The following TRIM11 variants were observed in gnomAD, a reference collection of about 807,000 sequenced individuals.
The protein encoded by TRIM11 is tripartite motif containing 11.
TRIM11 carries 15 observed loss-of-function variants against 33.4 expected under a neutral mutation model. The observed-to-expected ratio is 0.45, with a 90% CI of 0.30 to 0.69. The LOEUF (loss-of-function observed/expected upper bound fraction) is 0.69, where lower values mean the gene tolerates loss of function less well. TRIM11 is among the 30% of genes least tolerant of loss of function. The pLI is 0.08. For missense variants in TRIM11, 499 were observed against 667.6 expected, an observed-to-expected ratio of 0.75 and a Z score of 2.78; for synonymous variants, 281 against 302.6, an observed-to-expected ratio of 0.93 and a Z score of 0.74.
chr1:228,406,563 G>A lies in TRIM11; in HGVS notation c.-2C>T. ...GGTGGACAGGTCGGGGGCGGCCATG[G>A]CGCGGACAGAGGGGAGGAAGGCGGT... On this transcript the variant is annotated 5_prime_UTR_variant, in exon 1 of 6. Transcript: ENST00000284551. This position sits in a 1 kb window ranked among gnomAD's most constrained non-coding sequence, Gnocchi z 8.2. The A allele has an allele frequency of 6.6e-7, 1 of 1,517,562 alleles. No individual in the cohort carries two copies. Among genetic ancestry groups the A allele is most frequent in the South Asian group, 1.2e-5 (1 of 81,124 alleles). The allele number at this position is 1,517,562 out of a possible 1,614,324, so 94.0% of individuals were successfully genotyped here.
intron 1 of TRIM11, chr1:228,404,973 G>A (rs1007138711): frequency 6.6e-6 from 1 of 152,144 alleles, no homozygotes; most frequent in Non-Finnish European, 1.5e-5. Context: ...AACCTAACAG[G>A]GTAGAGGGAA....
rs753375102 is a variant in TRIM11, at chr1:228,400,957, A to G, written c.735+7T>C. 13 of 1,555,900 alleles carry G rather than the reference A, an allele frequency of 8.4e-6. No individual in the cohort carries two copies. Among genetic ancestry groups the G allele is most frequent in the Non-Finnish European group, 1.1e-5 (13 of 1,151,314 alleles). On this transcript the variant is annotated splice_region_variant and intron_variant, in intron 3 of 5. Transcript: ENST00000284551. The surrounding 1 kb of genome is among the most constrained non-coding windows in gnomAD (Gnocchi z 4.5). Reference sequence around the variant, plus strand: ...TGGCCACCATGGCTGCTCCCCGCCCAGCTCACCTGCAGCAGCCCCAGAGCA... The same window carrying G: ...TGGCCACCATGGCTGCTCCCCGCCCGGCTCACCTGCAGCAGCCCCAGAGCA...
At position 228,406,609 on chromosome 1, in the gene TRIM11, G is replaced by T. The variant is rs1435263528; in HGVS notation, c.-48C>A. 2 of 1,391,058 alleles carry T rather than the reference G, an allele frequency of 1.4e-6. No homozygotes were observed. The highest frequency in any genetic ancestry group is 1.9e-6 in the Non-Finnish European group (2 of 1,073,872). 86.2% of individuals were successfully genotyped at this position (1,391,058 alleles called of 1,614,324 possible). A position where few individuals can be genotyped will look rare whatever the true frequency, so the allele number is the denominator to read the frequency against. On this transcript the variant is annotated 5_prime_UTR_variant, in exon 1 of 6. Transcript: ENST00000284551. The surrounding 1 kb of genome is among the most constrained non-coding windows in gnomAD (Gnocchi z 8.2). ...GCGGTACTGTCCGCGGGGCGGCGGC[G>T]GGCGGCCTCGGCAGCTCGCGGGGAC...
Position 228,406,390 on chromosome 1 carries a change from C to A in TRIM11, c.172G>T (p.Glu58Ter). ...EGPYACPECR[E>*]LSPQRNLRPN... ...CGCAGGTTCCTCTGCGGGGACAGCTCGCGGCACTCGGGGCACGCGTACGGG... is the reference window on the plus strand; with the variant it reads ...CGCAGGTTCCTCTGCGGGGACAGCTAGCGGCACTCGGGGCACGCGTACGGG... The change falls in exon 1 of 6, where the codon GAG becomes TAG. Residue 58 changes from glutamate to a stop codon, truncating the protein, a stop_gained. Transcript: ENST00000284551. LOFTEE classifies it high-confidence loss of function. The surrounding 1 kb of genome is among the most constrained non-coding windows in gnomAD (Gnocchi z 8.2). 1 of 1,548,280 alleles carries A rather than the reference C, an allele frequency of 6.5e-7. No homozygotes were observed. Among genetic ancestry groups the A allele is most frequent in the Non-Finnish European group, 8.7e-7 (1 of 1,152,688 alleles).
Position 228,400,110 on chromosome 1 carries a change from G to A in TRIM11, c.735+854C>T, listed in dbSNP as rs1433110434. The stretch of plus-strand genomic sequence containing the variant: ...CCAGTGGCTGAATTCACTCACACAC[G>A]GCCTCTCTCCTCTGTGGGAGCCAGA... On this transcript the variant is annotated intron_variant, in intron 3 of 5. Coordinates refer to ENST00000284551, the MANE Select transcript of TRIM11 (RefSeq NM_145214.3). This position sits in a 1 kb window ranked among gnomAD's most constrained non-coding sequence, Gnocchi z 4.5. Among the ~76,000 whole-genome samples, 1 of 152,122 alleles carries A rather than the reference G, an allele frequency of 6.6e-6. No homozygotes were observed. Among genetic ancestry groups the A allele is most frequent in the Non-Finnish European group, 1.5e-5 (1 of 68,008 alleles).
Position 228,400,505 on chromosome 1 carries a change from G to T in TRIM11, c.735+459C>A, listed in dbSNP as rs1656158037. ...CCTGGAAGCAGAGGAGGAGGAGACTGCCCCCCATAATGGAGATGCATGGGG... is the reference window on the plus strand; with the variant it reads ...CCTGGAAGCAGAGGAGGAGGAGACTTCCCCCCATAATGGAGATGCATGGGG... On this transcript the variant is annotated intron_variant, in intron 3 of 5. Coordinates refer to ENST00000284551, the MANE Select transcript of TRIM11 (RefSeq NM_145214.3). This position sits in a 1 kb window ranked among gnomAD's most constrained non-coding sequence, Gnocchi z 4.5. 6.6e-6 allele frequency among the ~76,000 whole-genome samples: 1 copy of T among 152,182 alleles called. No homozygotes were observed. The highest frequency in any genetic ancestry group is 2.4e-5 in the African/African-American group (1 of 41,442).
At chr1:228,397,859 G>A (rs1352147835) in intron 3 of TRIM11, among the ~76,000 whole-genome samples, 1 of 152,184 alleles carries the variant, frequency 6.6e-6, no homozygotes, top group South Asian at 2.1e-4. Context: ...AAGAAGGGGC[G>A]ACTAGGACAC....
chr1:228,396,874 C>A (rs756695564), intron 5 of TRIM11, 73 bp downstream of exon 5: 29 of 1,423,208 alleles, frequency 2.0e-5, no homozygotes, highest in East Asian at 6.8e-5. Flanking sequence ...GCACAGAACA[C>A]GTGGCTGGCT....
intron 3 of TRIM11, 189 bp from the exon 4 acceptor site, chr1:228,397,354 T>C (rs2074995763): frequency 1.5e-6 from 1 of 663,526 alleles, no homozygotes; most frequent in Non-Finnish European, 2.6e-6. Context: ...GGACAGAGGC[T>C]CTGACATGTG....
At chr1:228,404,875 G>A (rs527819251) in intron 1 of TRIM11, 2 of 152,354 alleles carry the variant, frequency 1.3e-5, no homozygotes, top group African/African-American at 2.4e-5. Context: ...TCTTGTGCAT[G>A]TGAAACTTAA....
At position 228,406,132 on chromosome 1, in the gene TRIM11, C is replaced by A. The variant is rs1656406519; in HGVS notation, c.408+22G>T. 1.5e-6 allele frequency: 2 copies of A among 1,356,630 alleles called. No homozygotes were observed. Among genetic ancestry groups the A allele is most frequent in the Non-Finnish European group, 1.9e-6 (2 of 1,060,804 alleles). 84.0% of individuals were successfully genotyped at this position (1,356,630 alleles called of 1,614,324 possible). Reference sequence around the variant, plus strand: ...TCCCCGGCTCCCCGACGCCCCTGCACGCCACCCCCGCCCAGGAGCACCTTG... The same window carrying A: ...TCCCCGGCTCCCCGACGCCCCTGCAAGCCACCCCCGCCCAGGAGCACCTTG... On this transcript the variant is annotated intron_variant, in intron 1 of 5. Coordinates refer to ENST00000284551, the MANE Select transcript of TRIM11 (RefSeq NM_145214.3). This position sits in a 1 kb window ranked among gnomAD's most constrained non-coding sequence, Gnocchi z 8.2.
At position 228,400,997 on chromosome 1, in the gene TRIM11, G is replaced by A. The variant is rs1656196723; in HGVS notation, c.702C>T (p.Gly234=). 1 of 1,595,858 alleles carries A rather than the reference G, an allele frequency of 6.3e-7. No homozygotes were observed. Among genetic ancestry groups the A allele is most frequent in the East Asian group, 2.3e-5 (1 of 44,200 alleles). The change falls in exon 3 of 6, where the codon GGC becomes GGT. Residue 234 remains glycine (G), a synonymous_variant. Coordinates refer to ENST00000284551, the MANE Select transcript of TRIM11 (RefSeq NM_145214.3). This position sits in a 1 kb window ranked among gnomAD's most constrained non-coding sequence, Gnocchi z 4.5. ...HLAELIAELE[G]RCQLPALGLL... The stretch of plus-strand genomic sequence containing the variant: ...GCCCCAGAGCAGGCAGCTGGCAGCG[G>A]CCCTCGAGCTCGGCGATGAGCTCAG...
In TRIM11 at chr1:228,403,042, C is replaced by T. The variant is rs1045542899; in HGVS notation, c.409-881G>A. 6.6e-6 allele frequency: 1 copy of T among 152,212 alleles called. No individual in the cohort carries two copies. The highest frequency in any genetic ancestry group is 1.5e-5 in the Non-Finnish European group (1 of 68,052). 9.4% of individuals were successfully genotyped at this position (152,212 alleles called of 1,614,324 possible). A position where few individuals can be genotyped will look rare whatever the true frequency, so the allele number is the denominator to read the frequency against. On this transcript the variant is annotated intron_variant, in intron 1 of 5. Coordinates refer to ENST00000284551, the MANE Select transcript of TRIM11 (RefSeq NM_145214.3). The surrounding 1 kb of genome is among the most constrained non-coding windows in gnomAD (Gnocchi z 4.8). Reference sequence around the variant, plus strand: ...TGTAATAAGCTCCAGGATGGGTACACCTCCATTCTGCTTTCTTGGTCCTTA... The same window carrying T: ...TGTAATAAGCTCCAGGATGGGTACATCTCCATTCTGCTTTCTTGGTCCTTA...
chr1:228,394,771 G>A lies in TRIM11; in HGVS notation c.1341C>T (p.Ser447=). 6.2e-7 allele frequency: 1 copy of A among 1,613,888 alleles called. No individual in the cohort carries two copies. ...GGCAGATAGTCATCGGGGTCGGGCT[G>A]CTGGACAGGGGTGAGAAGAGGGGCC... is the stretch of plus-strand genomic sequence containing the variant. The part of the protein sequence containing the change: ...TLRPLFSPLS[S]SPTPMTICRP... Residue 447 remains serine (S), a synonymous_variant, in exon 6 of 6, where the codon AGC becomes AGT. Transcript: ENST00000284551. The surrounding 1 kb of genome is among the most constrained non-coding windows in gnomAD (Gnocchi z 6.2).
At chr1:228,397,473 C>A in intron 3 of TRIM11, 1 of 425,026 alleles carries the variant, frequency 2.4e-6, no homozygotes, top group Non-Finnish European at 4.2e-6. Context: ...TCACCCAGAG[C>A]CCCAAGTGGG....
In TRIM11 at chr1:228,394,744, C is replaced by T. The variant is rs149103830; in HGVS notation, c.1368G>A (p.Arg456=). 4.3e-6 allele frequency: 7 copies of T among 1,611,350 alleles called. No individual in the cohort carries two copies. In the African/African-American group the frequency reaches 9.4e-5, roughly 22 times the overall value. Reference sequence around the variant, plus strand: ...GGGTGTCCCCGGACCCACCTTTCGGCCGGCAGATAGTCATCGGGGTCGGGC... The same window carrying T: ...GGGTGTCCCCGGACCCACCTTTCGGTCGGCAGATAGTCATCGGGGTCGGGC... ...SSSPTPMTIC[R]PKGGSGDTLA... is the part of the protein sequence containing the mutation. Residue 456 remains arginine, a synonymous_variant, in exon 6 of 6, where the codon CGG becomes CGA. Transcript: ENST00000284551. The surrounding 1 kb of genome is among the most constrained non-coding windows in gnomAD (Gnocchi z 6.2).
chr1:228,396,582 G>A (rs2074988362), intron 5 of TRIM11: 1 of 660,192 alleles, frequency 1.5e-6, no homozygotes, highest in Non-Finnish European at 2.8e-6. Context: ...GGGAACAGAA[G>A]TATGGGCAGC....
At position 228,406,689 on chromosome 1, in the gene TRIM11, G is replaced by A; in HGVS notation, c.-128C>T. 3.3e-6 allele frequency: 3 copies of A among 907,898 alleles called. No individual in the cohort carries two copies. Among genetic ancestry groups the A allele is most frequent in the Middle Eastern group, 3.8e-4 (1 of 2,664 alleles). The allele number at this position is 907,898 out of a possible 1,614,324, so 56.2% of individuals were successfully genotyped here. A position where few individuals can be genotyped will look rare whatever the true frequency, so the allele number is the denominator to read the frequency against. On this transcript the variant is annotated 5_prime_UTR_variant, in exon 1 of 6. Coordinates refer to ENST00000284551, the MANE Select transcript of TRIM11 (RefSeq NM_145214.3). This position sits in a 1 kb window ranked among gnomAD's most constrained non-coding sequence, Gnocchi z 8.2. ...TCGGGCACTCCGGGGCGCGAGGCTC[G>A]GGACTCCCGGGTGCTCGGGCTCCGG...
rs1447376854 is a variant in TRIM11 at position 228,401,233 on chromosome 1, C to G, written c.505-39G>C. 1.3e-6 allele frequency: 2 copies of G among 1,585,476 alleles called. No homozygotes were observed. The highest frequency in any genetic ancestry group is 1.3e-5 in the African/African-American group (1 of 74,360). ...GGAGAAGGACAGCTGAGGCCAGACC[C>G]CAGGCCCAGCCAGACCCCAAGTTTG... On this transcript the variant is annotated intron_variant, in intron 2 of 5. Transcript: ENST00000284551. The surrounding 1 kb of genome is among the most constrained non-coding windows in gnomAD (Gnocchi z 6.1).
Sources: gnomAD v4.1 joint callset for allele counts (sites outside exome capture counted in the v4.1 genomes callset) on GRCh38, gnomAD v4.1.1 for gene constraint, Gnocchi (gnomAD v3.1) non-coding constraint, MANE v1.5 for transcripts, NCBI Gene and HGNC (gene_info 2026-07-23, HGNC 2026-07-21) for gene names.